NBAS: variants seen among roughly 807,000 people sequenced by gnomAD.
NBAS encodes NBAS subunit of NRZ tethering complex.
A neutral mutation model predicts 302.5 loss-of-function variants in NBAS; 219 were observed. The observed-to-expected ratio is 0.72, with a 90% confidence interval of 0.65 to 0.81. The LOEUF (loss-of-function observed/expected upper bound fraction) is 0.81. NBAS is among the 30% of genes least tolerant of loss of function. NBAS has a pLI of 0.00. For missense variants in NBAS, 2,932 were observed against 2,841.6 expected (o/e 1.03, Z -0.72); for synonymous variants, 1,118 against 1,021.6 (o/e 1.09, Z -1.80).
At chr2:14,797,130 G>T in the NBAS span, among the ~76,000 whole-genome samples, 2 of 143,280 alleles carry the variant, frequency 1.4e-5, no homozygotes, top group Admixed American at 1.4e-4. Flanking sequence ...AACAGACTCA[G>T]CCACTGGGGG....
chr2:15,119,574 C>T, the NBAS span, among the ~76,000 whole-genome samples: 1 of 152,194 alleles, frequency 6.6e-6, no homozygotes, highest in Non-Finnish European at 1.5e-5. Flanking sequence ...CTCCTGACCT[C>T]GTGATCCACC....
the NBAS span, among the ~76,000 whole-genome samples, chr2:14,812,568 AG>A: frequency 1.3e-5 from 2 of 152,222 alleles, no homozygotes; most frequent in Non-Finnish European, 1.5e-5. Flanking sequence ...CCATAGCACT[AG>A]GAACATAATA....
chr2:15,156,732 A>G, the NBAS span, among the ~76,000 whole-genome samples: 1 of 152,190 alleles, frequency 6.6e-6, no homozygotes, highest in Non-Finnish European at 1.5e-5. Flanking sequence ...AATCCTCCAG[A>G]CCACAGCAAA....
At position 15,366,670 on chromosome 2, in the gene NBAS, T is replaced by A. The variant is rs765423145; in HGVS notation, c.3727A>T (p.Ser1243Cys). The A allele has an allele frequency of 1.2e-6, 2 of 1,614,086 alleles. No individual in the cohort carries two copies. Among genetic ancestry groups the A allele is most frequent in the Non-Finnish European group, 1.7e-6 (2 of 1,179,962 alleles). Residue 1243 changes from serine (S) to cysteine (C), a missense_variant, in exon 32 of 52, where the codon AGT becomes TGT. By Grantham distance (112) the Ser-to-Cys change is moderately radical. Coordinates refer to ENST00000281513, the MANE Select transcript of NBAS (RefSeq NM_015909.4). ...LQVRLCPDRI[S>C]LIKECISQSP... ...TGGGAAATACACTCCTTGATGAGACTGATCCGATCAGGGCACAATCGCACT... is the reference window on the plus strand; with the variant it reads ...TGGGAAATACACTCCTTGATGAGACAGATCCGATCAGGGCACAATCGCACT...
rs2148158698 is a variant in NBAS, at chr2:15,308,276, G to T, written c.4737C>A (p.Ser1579Arg). Residue 1579 changes from serine (S) to arginine (R), a missense_variant, in exon 40 of 52, where the codon AGC (serine) becomes AGA (arginine). Physicochemically the swap from Ser to Arg is moderately radical, Grantham distance 110. Transcript: ENST00000281513. ...GGGCCAATCGGGCATAGATCTGGAG[G>T]CTATAGTAATACGCTGCCAGCTGGA... ...LSLQLAAYYY[S>R]LQIYARLAPC... The T allele has an allele frequency of 1.2e-6, 2 of 1,614,206 alleles. No individual in the cohort carries two copies. The highest frequency in any genetic ancestry group is 1.7e-6 in the Non-Finnish European group (2 of 1,180,036).
At chr2:15,414,049 C>A (rs566354371) in intron 25 of NBAS, among the ~76,000 whole-genome samples, 82 of 152,242 alleles carry the variant, frequency 5.4e-4, no homozygotes, top group Non-Finnish European at 1.1e-3. Context: ...ATATTCAATC[C>A]ATCTTGCTTC....
chr2:15,178,955 AAAAAG>A (rs1237494668), intron 51 of NBAS, 28 bp downstream of exon 51: 8 of 1,613,366 alleles, frequency 5.0e-6, no homozygotes, highest in South Asian at 4.4e-5. Flanking sequence ...TTAAAAAAAA[AAAAAG>A]AAAGAAAGTA....
intron 26 of NBAS, among the ~76,000 whole-genome samples, chr2:15,400,479 G>A (rs1190543794): frequency 6.6e-6 from 1 of 151,966 alleles, no homozygotes; most frequent in Non-Finnish European, 1.5e-5. Flanking sequence ...ATGGGAGAAG[G>A]GAAAGGACTT....
chr2:15,247,649 C>T (rs575921843), intron 44 of NBAS, among the ~76,000 whole-genome samples: 1 of 151,624 alleles, frequency 6.6e-6, no homozygotes, highest in African/African-American at 2.4e-5. Context: ...GGGATCAATG[C>T]ACCAAGAAGA....
the NBAS span, among the ~76,000 whole-genome samples, chr2:14,965,282 C>A: frequency 3.3e-5 from 5 of 151,692 alleles, no homozygotes; most frequent in African/African-American, 1.2e-4. Flanking sequence ...AAATTGAGAC[C>A]CCCCCTACCC....
chr2:14,987,898 C>T, the NBAS span, among the ~76,000 whole-genome samples: 1 of 152,080 alleles, frequency 6.6e-6, no homozygotes, highest in Non-Finnish European at 1.5e-5. Context: ...TGATGTCTTA[C>T]CCCGGTATTC....
At chr2:15,433,144 T>C (rs561789760) in intron 21 of NBAS, among the ~76,000 whole-genome samples, 1 of 152,182 alleles carries the variant, frequency 6.6e-6, no homozygotes, top group South Asian at 2.1e-4. Context: ...AAAGTAAAGA[T>C]TGTCTTGAAT....
At chr2:14,805,945 T>C in the NBAS span, among the ~76,000 whole-genome samples, 1 of 152,162 alleles carries the variant, frequency 6.6e-6, no homozygotes, top group Non-Finnish European at 1.5e-5. Flanking sequence ...TAACTGATCA[T>C]TTGTTTAAGA....
At chr2:15,121,321 A>G in the NBAS span, among the ~76,000 whole-genome samples, 2 of 152,190 alleles carry the variant, frequency 1.3e-5, no homozygotes, top group East Asian at 3.8e-4. Flanking sequence ...TGTTGCCAGG[A>G]CCAAGAACAC....
the NBAS span, among the ~76,000 whole-genome samples, chr2:14,782,845 G>A: frequency 6.6e-6 from 1 of 152,068 alleles, no homozygotes; most frequent in Non-Finnish European, 1.5e-5. Flanking sequence ...CCTTAGCAAG[G>A]TAACAGAAGA....
chr2:15,459,624 C>T (rs901546550), intron 21 of NBAS, among the ~76,000 whole-genome samples: 1 of 151,604 alleles, frequency 6.6e-6, no homozygotes, highest in Non-Finnish European at 1.5e-5. Context: ...GGACTACAGG[C>T]CCCTGCTACC....
chr2:14,854,586 AC>A, the NBAS span, among the ~76,000 whole-genome samples: 2 of 151,466 alleles, frequency 1.3e-5, no homozygotes, highest in Non-Finnish European at 2.9e-5. Flanking sequence ...TCCTCCCCTC[AC>A]CCCCAGCAAC....
chr2:14,976,110 C>A, the NBAS span, among the ~76,000 whole-genome samples: 2 of 152,128 alleles, frequency 1.3e-5, no homozygotes, highest in African/African-American at 4.8e-5. Context: ...ATAATGGGGG[C>A]AGATGTAGAG....
chr2:15,440,223 C>T (rs942658906), intron 21 of NBAS, among the ~76,000 whole-genome samples: 1 of 152,228 alleles, frequency 6.6e-6, no homozygotes, highest in Non-Finnish European at 1.5e-5. Context: ...GTCCCTGACC[C>T]CTGACCCCCG....
Sources: allele counts gnomAD v4.1 joint callset (sites outside exome capture counted in the v4.1 genomes callset), GRCh38; gene constraint gnomAD v4.1.1; transcripts MANE v1.5; gene names NCBI Gene and HGNC (gene_info 2026-07-23, HGNC 2026-07-21).